Variants in PRKN observed in about 807,000 individuals in gnomAD.
PRKN encodes the protein parkin RBR E3 ubiquitin protein ligase.
A neutral mutation model predicts 59.5 loss-of-function variants in PRKN; 56 were observed. The observed-to-expected ratio is 0.94, with a 90% CI of 0.76 to 1.18. The LOEUF (loss-of-function observed/expected upper bound fraction) is 1.18, where lower values mean the gene tolerates loss of function less well. PRKN is among the 50% of genes most tolerant of loss of function. PRKN has a pLI of 0.00. For synonymous variants in PRKN, 250 were observed against 222.1 expected, an observed-to-expected ratio of 1.13 and a Z score of -1.12; for missense variants, 657 against 596.4, an observed-to-expected ratio of 1.10 and a Z score of -1.06.
At chr6:162,019,395 G>A (rs1783046832) in intron 5 of PRKN, among the ~76,000 whole-genome samples, 1 of 152,190 alleles carries the variant, frequency 6.6e-6, no homozygotes, top group Admixed American at 6.5e-5. Flanking sequence ...GCACTGAAGT[G>A]TTTCCAACTC....
intron 7 of PRKN, among the ~76,000 whole-genome samples, chr6:161,594,681 A>C (rs758677549): frequency 1.4e-4 from 21 of 152,224 alleles, no homozygotes; most frequent in Admixed American, 2.6e-4. Context: ...CACAGTTAAA[A>C]TATATAAATA....
At chr6:161,847,914 TAGA>T (rs1272611396) in intron 6 of PRKN, among the ~76,000 whole-genome samples, 1 of 152,162 alleles carries the variant, frequency 6.6e-6, no homozygotes, top group Non-Finnish European at 1.5e-5. Context: ...TGCATTTGGT[TAGA>T]AGAAGGCTGG....
At chr6:162,715,349 A>G (rs946509854) in intron 1 of PRKN, among the ~76,000 whole-genome samples, 2 of 152,236 alleles carry the variant, frequency 1.3e-5, no homozygotes, top group African/African-American at 2.4e-5. Flanking sequence ...TCCCTCAAGA[A>G]TAAGGCAGGT....
rs1391880235 is a variant in PRKN at position 162,186,232 on chromosome 6, T to C, written c.534+14899A>G. Among the ~76,000 whole-genome samples the C allele has an allele frequency of 2.6e-5, 4 of 152,120 alleles. No individual in the cohort carries two copies. In the South Asian group the frequency reaches 6.2e-4, roughly 24 times the overall value. ...TTCAATTAAAGCCAGATACAAGAGA[T>C]ACTATAAACCAAAAGAGGTGCTGAT... is the stretch of plus-strand genomic sequence containing the variant. On this transcript the variant is annotated intron_variant, in intron 4 of 11. Transcript: ENST00000366898.
chr6:162,325,596 C>G (rs537618994), intron 2 of PRKN, among the ~76,000 whole-genome samples: 1 of 152,168 alleles, frequency 6.6e-6, no homozygotes, highest in Admixed American at 6.5e-5. Context: ...GACCTACAAA[C>G]TAAGTCTGCA....
At chr6:161,861,014 C>T (rs1793874470) in intron 6 of PRKN, among the ~76,000 whole-genome samples, 2 of 152,190 alleles carry the variant, frequency 1.3e-5, no homozygotes, top group Admixed American at 6.5e-5. Context: ...TTGTGGAAGA[C>T]AGTGTGGCGA....
At chr6:161,890,566 G>A (rs1370798512) in intron 6 of PRKN, among the ~76,000 whole-genome samples, 1 of 152,178 alleles carries the variant, frequency 6.6e-6, no homozygotes, top group Non-Finnish European at 1.5e-5. Context: ...AGCCTTGGGG[G>A]AATGCTGGAG....
Position 161,619,294 on chromosome 6 carries a change from G to A in PRKN, c.872-49878C>T, listed in dbSNP as rs376277080. Among the ~76,000 whole-genome samples, 46 of 144,020 alleles carry A rather than the reference G, an allele frequency of 3.2e-4. 2 individuals carry two copies. Among genetic ancestry groups the A allele is most frequent in the African/African-American group, 1.2e-3 (45 of 39,032 alleles). The allele number at this position is 144,020 out of a possible 152,430, so 94.5% of individuals were successfully genotyped here. On this transcript the variant is annotated intron_variant, in intron 7 of 11. Coordinates refer to ENST00000366898, the MANE Select transcript of PRKN (RefSeq NM_004562.3). ...AATCTCGATGCCCAGAGTAGCTAAG[G>A]CCACCATAGGGAAAGTCATTTGCTA...
At chr6:161,650,063 A>G (rs1440817223) in intron 7 of PRKN, among the ~76,000 whole-genome samples, 1 of 152,218 alleles carries the variant, frequency 6.6e-6, no homozygotes, top group African/African-American at 2.4e-5. Flanking sequence ...GATGACGCCC[A>G]GATCATACCA....
rs920616179 is a variant in PRKN, at chr6:161,566,837, C to A, written c.933+2518G>T. Among the ~76,000 whole-genome samples the A allele has an allele frequency of 1.3e-5, 2 of 152,144 alleles. No individual in the cohort carries two copies. The highest frequency in any genetic ancestry group is 4.8e-5 in the African/African-American group (2 of 41,436). The stretch of plus-strand genomic sequence containing the variant: ...GACTATTATGAATGTTAAAGCCAGG[C>A]ACATGATCACATTGGAGCCTCTGTT... On this transcript the variant is annotated intron_variant, in intron 8 of 11. Transcript: ENST00000366898. The surrounding 1 kb of genome is among the most constrained non-coding windows in gnomAD (Gnocchi z 4.1).
At chr6:161,728,233 C>T (rs1222019562) in intron 7 of PRKN, among the ~76,000 whole-genome samples, 1 of 140,988 alleles carries the variant, frequency 7.1e-6, no homozygotes, top group Non-Finnish European at 1.5e-5. Flanking sequence ...TTTTCTCCTA[C>T]CAAAATGTGA....
chr6:162,313,942 T>C (rs1782641165), intron 2 of PRKN, among the ~76,000 whole-genome samples: 2 of 152,194 alleles, frequency 1.3e-5, no homozygotes, highest in South Asian at 4.1e-4. Context: ...CTATTGTTTG[T>C]TTTAAATTTT....
intron 7 of PRKN, among the ~76,000 whole-genome samples, chr6:161,701,261 C>T (rs1786239519): frequency 6.6e-6 from 1 of 152,132 alleles, no homozygotes; most frequent in Non-Finnish European, 1.5e-5. Context: ...AGATGATATG[C>T]CTTTCAATTT....
intron 2 of PRKN, among the ~76,000 whole-genome samples, chr6:162,348,952 A>C (rs897019889): frequency 1.3e-5 from 2 of 152,200 alleles, no homozygotes; most frequent in East Asian, 1.9e-4. Flanking sequence ...GCAGATATTA[A>C]AAATATAAAG....
chr6:162,292,256 G>A lies in PRKN; in HGVS notation c.172-29491C>T, dbSNP rs116041628. Among the ~76,000 whole-genome samples the A allele has an allele frequency of 3.5e-3, 537 of 152,146 alleles. 4 individuals carry two copies. The highest frequency in any genetic ancestry group is 0.012 in the African/African-American group (516 of 41,510). On this transcript the variant is annotated intron_variant, in intron 2 of 11. Coordinates refer to ENST00000366898, the MANE Select transcript of PRKN (RefSeq NM_004562.3). ...TGGGATTACAGGTGTGAGCCACTGC[G>A]CCCGGCCTCTTCCAAGTTATTCTGT... is the stretch of plus-strand genomic sequence containing the variant.
chr6:161,970,484 G>A (rs1780760737), intron 6 of PRKN, among the ~76,000 whole-genome samples: 1 of 150,462 alleles, frequency 6.6e-6, no homozygotes, highest in African/African-American at 2.4e-5. Context: ...TCAAGATATT[G>A]CAAAAAAATT....
intron 6 of PRKN, among the ~76,000 whole-genome samples, chr6:161,876,243 T>C (rs1794727514): frequency 6.6e-6 from 1 of 152,186 alleles, no homozygotes; most frequent in East Asian, 1.9e-4. Flanking sequence ...ATATCTCCCA[T>C]CATCCTTGAT....
chr6:162,432,858 T>C (rs1789603195), intron 2 of PRKN, among the ~76,000 whole-genome samples: 2 of 152,196 alleles, frequency 1.3e-5, no homozygotes, highest in African/African-American at 2.4e-5. Context: ...GAATGGTAAG[T>C]ACTCCTGCAA....
At chr6:162,542,862 T>C (rs1778977901) in intron 1 of PRKN, among the ~76,000 whole-genome samples, 1 of 152,126 alleles carries the variant, frequency 6.6e-6, no homozygotes, top group Admixed American at 6.5e-5. Context: ...GTCATCTCGG[T>C]TGGGCTTGGG....
Sources: gnomAD v4.1 joint callset for allele counts (sites outside exome capture counted in the v4.1 genomes callset) on GRCh38, gnomAD v4.1.1 for gene constraint, Gnocchi (gnomAD v3.1) non-coding constraint, MANE v1.5 for transcripts, NCBI Gene and HGNC (gene_info 2026-07-23, HGNC 2026-07-21) for gene names.